Variants in EDIL3 observed in about 807,000 individuals in gnomAD.
The protein encoded by EDIL3 is EGF-like repeat and discoidin I-like domain-containing protein 3.
Under a neutral mutation model 67.4 loss-of-function variants are expected in EDIL3, and 37 were observed. The observed-to-expected ratio is 0.55, with a 90% CI of 0.42 to 0.72. The LOEUF is 0.72. Ranked by LOEUF, EDIL3 falls within the 30% of genes least tolerant of loss-of-function variation. EDIL3 has a pLI of 0.00. For missense variants in EDIL3, 527 were observed against 586.3 expected, an observed-to-expected ratio of 0.90 and a Z score of 1.04; for synonymous variants, 195 against 196.3, an observed-to-expected ratio of 0.99 and a Z score of 0.05.
At chr5:84,337,803 C>T (rs1465531561) in intron 1 of EDIL3, among the ~76,000 whole-genome samples, 1 of 152,046 alleles carries the variant, frequency 6.6e-6, no homozygotes, top group East Asian at 1.9e-4. Flanking sequence ...TACTGAAGAA[C>T]TATAATCTTC....
chr5:84,029,994 A>G (rs932410554), intron 9 of EDIL3, among the ~76,000 whole-genome samples: 7 of 152,206 alleles, frequency 4.6e-5, no homozygotes, highest in African/African-American at 1.7e-4. Flanking sequence ...TCCAGCAATG[A>G]ATGGAGTTAT....
chr5:84,341,940 C>T (rs1384120017), intron 1 of EDIL3, among the ~76,000 whole-genome samples: 1 of 151,970 alleles, frequency 6.6e-6, no homozygotes, highest in Non-Finnish European at 1.5e-5. Context: ...AATAACTTAT[C>T]ACATGAGATC....
intron 3 of EDIL3, among the ~76,000 whole-genome samples, chr5:84,187,494 A>G (rs1266981899): frequency 6.6e-6 from 1 of 152,106 alleles, no homozygotes; most frequent in Non-Finnish European, 1.5e-5. Flanking sequence ...CCTCCAAAAC[A>G]TTGCCAGTTA....
intron 4 of EDIL3, among the ~76,000 whole-genome samples, chr5:84,156,545 A>G (rs915041897): frequency 2.0e-5 from 3 of 152,190 alleles, no homozygotes; most frequent in Non-Finnish European, 2.9e-5. Flanking sequence ...AATTCATTTA[A>G]TCTTCACTGT....
rs183654564 is a variant in EDIL3 at position 83,995,287 on chromosome 5, C to G, written c.1138-31927G>C. ...CTAACACCAGGGGGTTTGCAGGACC[C>G]TAGCGGAGATTCATCACATTTGTAC... On this transcript the variant is annotated intron_variant, in intron 9 of 10. Coordinates refer to ENST00000296591, the MANE Select transcript of EDIL3 (RefSeq NM_005711.5). Among the ~76,000 whole-genome samples the G allele has an allele frequency of 2.4e-4, 37 of 152,136 alleles. No homozygotes were observed. The East Asian group carries it at 6.8e-3, about 28-fold the overall frequency.
intron 2 of EDIL3, among the ~76,000 whole-genome samples, chr5:84,230,763 A>ATGTGTGTGTGTGTGTGTGTGTGTGTGTG (rs59552122): frequency 2.2e-5 from 3 of 137,228 alleles, no homozygotes; most frequent in South Asian, 2.5e-4. Context: ...CCACTACGTG[A>ATGTGTGTGTGTGTGTGTGTGTGTGTGTG]TGTGTGTGTG....
intron 1 of EDIL3, among the ~76,000 whole-genome samples, chr5:84,278,323 G>A (rs1745628668): frequency 6.6e-6 from 1 of 152,170 alleles, no homozygotes; most frequent in South Asian, 2.1e-4. Flanking sequence ...AAATATAGCA[G>A]ATGAACTTGA....
chr5:84,078,462 T>C lies in EDIL3; in HGVS notation c.652-11856A>G, dbSNP rs111930950. ...TATGTAAATTTAAAAACACACCTTA[T>C]GATATAACATCATGTACTCTCCAAT... On this transcript the variant is annotated intron_variant, in intron 6 of 10. Coordinates refer to ENST00000296591, the MANE Select transcript of EDIL3 (RefSeq NM_005711.5). Among the ~76,000 whole-genome samples the C allele has an allele frequency of 5.6e-4, 86 of 152,290 alleles. 1 individual carries two copies. The highest frequency in any genetic ancestry group is 1.9e-3 in the African/African-American group (81 of 41,556).
rs142795353 is a variant in EDIL3 at position 84,193,644 on chromosome 5, T to C, written c.227-13123A>G. On this transcript the variant is annotated intron_variant, in intron 3 of 10. Coordinates refer to ENST00000296591, the MANE Select transcript of EDIL3 (RefSeq NM_005711.5). Reference sequence around the variant, plus strand: ...ATCAAGACTCAATTTAATAGCTAGATATGGTCTAGGAAAGGCAACATACAG... The same window carrying C: ...ATCAAGACTCAATTTAATAGCTAGACATGGTCTAGGAAAGGCAACATACAG... Among the ~76,000 whole-genome samples the C allele has an allele frequency of 1.8e-3, 277 of 151,912 alleles. 2 individuals carry two copies. The highest frequency in any genetic ancestry group is 6.8e-3 in the Middle Eastern group (2 of 294).
chr5:84,130,771 T>G (rs1325321678), intron 5 of EDIL3, among the ~76,000 whole-genome samples: 1 of 152,126 alleles, frequency 6.6e-6, no homozygotes, highest in Non-Finnish European at 1.5e-5. Flanking sequence ...CAAATAACAG[T>G]GACATCTTAC....
At chr5:84,115,112 A>G (rs1166610796) in intron 5 of EDIL3, among the ~76,000 whole-genome samples, 5 of 152,198 alleles carry the variant, frequency 3.3e-5, no homozygotes, top group Non-Finnish European at 7.3e-5. Flanking sequence ...CTGAATGTAG[A>G]TATTATCACT....
intron 9 of EDIL3, among the ~76,000 whole-genome samples, chr5:84,033,887 C>T (rs796313612): frequency 2.6e-5 from 4 of 152,078 alleles, no homozygotes; most frequent in African/African-American, 9.6e-5. Flanking sequence ...TGACGTTACA[C>T]TTTAATATGA....
chr5:84,096,643 C>A (rs917006893), intron 6 of EDIL3, among the ~76,000 whole-genome samples: 3 of 152,030 alleles, frequency 2.0e-5, no homozygotes, highest in African/African-American at 7.2e-5. Context: ...GGACTGCAGA[C>A]TTTTGAGTTA....
intron 1 of EDIL3, among the ~76,000 whole-genome samples, chr5:84,255,254 T>C (rs994674554): frequency 2.2e-4 from 33 of 152,124 alleles, no homozygotes; most frequent in African/African-American, 7.5e-4. Flanking sequence ...TGGCCCAACA[T>C]AAATATCAAT....
intron 2 of EDIL3, among the ~76,000 whole-genome samples, chr5:84,246,460 C>T (rs1744911263): frequency 6.6e-6 from 1 of 152,212 alleles, no homozygotes; most frequent in South Asian, 2.1e-4. Flanking sequence ...GTCTCACACA[C>T]TTCTGAGATA....
chr5:83,989,517 T>G (rs2112157564), intron 9 of EDIL3, among the ~76,000 whole-genome samples: 1 of 152,306 alleles, frequency 6.6e-6, no homozygotes, highest in East Asian at 1.9e-4. Context: ...GTATCCCTGA[T>G]GGTTCCTTTG....
chr5:84,255,974 C>T (rs766814324), intron 1 of EDIL3, among the ~76,000 whole-genome samples: 2 of 152,136 alleles, frequency 1.3e-5, no homozygotes, highest in African/African-American at 2.4e-5. Flanking sequence ...GAGAGAGTGT[C>T]TAACATTTTT....
intron 3 of EDIL3, among the ~76,000 whole-genome samples, chr5:84,184,487 G>A (rs1214742446): frequency 6.6e-6 from 1 of 152,194 alleles, no homozygotes; most frequent in Non-Finnish European, 1.5e-5. Flanking sequence ...GGTTTAAGTT[G>A]TTTGCACAGA....
chr5:84,090,515 G>T (rs939976251), intron 6 of EDIL3, among the ~76,000 whole-genome samples: 4 of 152,036 alleles, frequency 2.6e-5, no homozygotes, highest in African/African-American at 9.7e-5. Context: ...GTTCCCCTGG[G>T]TTCCAAATCT....
Sources: gnomAD v4.1 joint callset for allele counts (sites outside exome capture counted in the v4.1 genomes callset) on GRCh38, gnomAD v4.1.1 for gene constraint, MANE v1.5 for transcripts, NCBI Gene and HGNC (gene_info 2026-07-23, HGNC 2026-07-21) for gene names.